Variants in COP1 observed in about 807,000 individuals in gnomAD.
COP1 encodes E3 ubiquitin-protein ligase COP1.
A neutral mutation model predicts 101.3 loss-of-function variants in COP1; 24 were observed. That is an observed-to-expected ratio of 0.24 (90% CI 0.17 to 0.33). The LOEUF (loss-of-function observed/expected upper bound fraction) is 0.33. Ranked by LOEUF, COP1 falls within the 10% of genes least tolerant of loss-of-function variation. COP1 has a pLI of 1.00. For missense variants in COP1, 663 were observed against 906.2 expected, an observed-to-expected ratio of 0.73 and a Z score of 3.45; for synonymous variants, 347 against 341.9, an observed-to-expected ratio of 1.01 and a Z score of -0.17.
intron 19 of COP1, among the ~76,000 whole-genome samples, 178 bp downstream of exon 19, chr1:175,947,017 T>C (rs1649262147): frequency 6.6e-6 from 1 of 152,202 alleles, no homozygotes; most frequent in African/African-American, 2.4e-5. Flanking sequence ...AGCACTATCA[T>C]CTTCTCCACA....
chr1:176,039,980 T>G (rs1224009232), intron 14 of COP1, among the ~76,000 whole-genome samples: 3 of 151,944 alleles, frequency 2.0e-5, no homozygotes, highest in Admixed American at 6.5e-5. Flanking sequence ...AATTAAAAAG[T>G]TAAAAACTCT....
intron 17 of COP1, among the ~76,000 whole-genome samples, chr1:175,987,722 C>T (rs1199035696): frequency 2.0e-5 from 3 of 152,066 alleles, no homozygotes; most frequent in Non-Finnish European, 4.4e-5. Context: ...GAACAAAGGC[C>T]AAGTCATTTA....
At chr1:176,106,212 G>A (rs540474182) in intron 9 of COP1, among the ~76,000 whole-genome samples, 1 of 152,038 alleles carries the variant, frequency 6.6e-6, no homozygotes, top group South Asian at 2.1e-4. Flanking sequence ...TGTATTTTTT[G>A]TAGAGACGAG....
At chr1:176,117,511 A>T (rs1008218016) in intron 8 of COP1, among the ~76,000 whole-genome samples, 2 of 152,208 alleles carry the variant, frequency 1.3e-5, no homozygotes, top group African/African-American at 2.4e-5. Context: ...TACATAAAAA[A>T]CTATCAACAA....
intron 13 of COP1, among the ~76,000 whole-genome samples, chr1:176,043,504 G>A (rs1388761338): frequency 6.6e-6 from 1 of 152,104 alleles, no homozygotes; most frequent in African/African-American, 2.4e-5. Context: ...AAAGACCGAA[G>A]TCTGAAGAAA....
chr1:176,101,117 TGG>T (rs1256653020), intron 9 of COP1, among the ~76,000 whole-genome samples: 1 of 152,148 alleles, frequency 6.6e-6, no homozygotes, highest in Non-Finnish European at 1.5e-5. Flanking sequence ...AAGGTGTACA[TGG>T]GTAAGAGTGA....
rs971473033 is a variant in COP1 at position 175,953,099 on chromosome 1, A to C, written c.2134-5860T>G. ...AGTAAATATACATGACAACAAAAGC[A>C]CAAATAATAAAAGGGGAGAATAGAA... is the stretch of plus-strand genomic sequence containing the variant. On this transcript the variant is annotated intron_variant, in intron 18 of 19. Transcript: ENST00000367669. 3.9e-5 allele frequency among the ~76,000 whole-genome samples: 6 copies of C among 152,358 alleles called. No individual in the cohort carries two copies. The East Asian group carries it at 1.2e-3, about 29-fold the overall frequency.
chr1:176,067,108 T>G (rs1407235459), intron 11 of COP1, among the ~76,000 whole-genome samples: 1 of 152,192 alleles, frequency 6.6e-6, no homozygotes, highest in Non-Finnish European at 1.5e-5. Flanking sequence ...GGTAGATATA[T>G]GCCATATATT....
At chr1:176,087,972 G>A (rs1161594337) in intron 9 of COP1, among the ~76,000 whole-genome samples, 1 of 152,142 alleles carries the variant, frequency 6.6e-6, no homozygotes, top group Non-Finnish European at 1.5e-5. Context: ...GGATGAAGCT[G>A]GAAACCATCA....
At chr1:176,166,167 C>T (rs781440694) in intron 3 of COP1, among the ~76,000 whole-genome samples, 3 of 152,040 alleles carry the variant, frequency 2.0e-5, no homozygotes, top group Non-Finnish European at 4.4e-5. Context: ...GACTCTGTCA[C>T]GCAGGATGGA....
intron 8 of COP1, among the ~76,000 whole-genome samples, chr1:176,131,116 T>C (rs1434438760): frequency 2.0e-5 from 3 of 151,720 alleles, no homozygotes; most frequent in Admixed American, 1.3e-4. Context: ...CATACAATTT[T>C]AAAGCACAAA....
chr1:176,046,392 G>T, intron 11 of COP1, 68 bp from the exon 12 acceptor site: 1 of 1,446,702 alleles, frequency 6.9e-7, no homozygotes, highest in Non-Finnish European at 9.5e-7. Flanking sequence ...AAGTAATTCG[G>T]TCTACAAGGA....
At chr1:176,092,107 A>G (rs1681436736) in intron 9 of COP1, among the ~76,000 whole-genome samples, 1 of 152,154 alleles carries the variant, frequency 6.6e-6, no homozygotes, top group African/African-American at 2.4e-5. Context: ...GGACAAACCT[A>G]TTAACACAAT....
chr1:176,207,086 G>C lies in COP1; in HGVS notation c.-108C>G. The C allele has an allele frequency of 1.1e-6, 1 of 907,058 alleles. No individual in the cohort carries two copies. Among genetic ancestry groups the C allele is most frequent in the Non-Finnish European group, 1.5e-6 (1 of 668,230 alleles). 56.2% of individuals were successfully genotyped at this position (907,058 alleles called of 1,614,324 possible). A position where few individuals can be genotyped will look rare whatever the true frequency, so the allele number is the denominator to read the frequency against. ...TCAGTGCATCCTGAGGACGCCCGCC[G>C]AGCCGGAGGTGGGGCTGAGGAACAA... On this transcript the variant is annotated 5_prime_UTR_variant, in exon 1 of 20. Transcript: ENST00000367669.
intron 1 of COP1, among the ~76,000 whole-genome samples, chr1:176,186,556 A>G (rs373928991): frequency 6.6e-6 from 1 of 152,112 alleles, no homozygotes; most frequent in Admixed American, 6.6e-5. Context: ...AAAAGAGAAA[A>G]AAAAGGGCAC....
intron 9 of COP1, 134 bp from the exon 10 acceptor site, chr1:176,086,024 T>C (rs1470139858): frequency 4.2e-6 from 2 of 473,606 alleles, no homozygotes; most frequent in Non-Finnish European, 7.7e-6. Flanking sequence ...AAAACTGTAA[T>C]TCTGAGATAT....
At chr1:176,084,968 T>C (rs1679876407) in intron 10 of COP1, among the ~76,000 whole-genome samples, 1 of 152,032 alleles carries the variant, frequency 6.6e-6, no homozygotes, top group African/African-American at 2.4e-5. Context: ...CTTACAATCA[T>C]TAAAAAACCC....
At chr1:176,143,872 G>A (rs1472159484) in intron 6 of COP1, among the ~76,000 whole-genome samples, 2 of 152,118 alleles carry the variant, frequency 1.3e-5, no homozygotes, top group Non-Finnish European at 2.9e-5. Context: ...GGTTGCATCA[G>A]ATGCACAAAA....
At chr1:176,123,165 AC>A (rs1335330942) in intron 8 of COP1, among the ~76,000 whole-genome samples, 3 of 152,238 alleles carry the variant, frequency 2.0e-5, no homozygotes, top group Non-Finnish European at 4.4e-5. Context: ...GTTTAAAAAA[AC>A]AATTATCTGA....
Sources: allele counts gnomAD v4.1 joint callset (sites outside exome capture counted in the v4.1 genomes callset), GRCh38; gene constraint gnomAD v4.1.1; transcripts MANE v1.5; gene names NCBI Gene and HGNC (gene_info 2026-07-23, HGNC 2026-07-21).